LRCH3: variants seen among roughly 807,000 people sequenced by gnomAD.
LRCH3 encodes leucine rich repeats and calponin homology domain containing 3, also known as DISP complex protein LRCH3.
LRCH3 carries 68 observed loss-of-function variants against 104.5 expected under a neutral mutation model. The ratio of observed to expected loss-of-function variants is 0.65; its 90% CI spans 0.54 to 0.80. LRCH3 has a LOEUF of 0.80. Ranked by LOEUF, LRCH3 falls within the 30% of genes least tolerant of loss-of-function variation. The pLI is 0.00. For synonymous variants in LRCH3, 344 were observed against 361.3 expected (o/e 0.95, Z 0.54); for missense variants, 951 against 953.9 (o/e 1.00, Z 0.04).
At chr3:197,819,156 G>C (rs1322697924) in intron 3 of LRCH3, among the ~76,000 whole-genome samples, 18 of 151,432 alleles carry the variant, frequency 1.2e-4, no homozygotes, top group Non-Finnish European at 1.5e-5. Flanking sequence ...AAAAGAATGA[G>C]TGTCCCTAAA....
intron 14 of LRCH3, among the ~76,000 whole-genome samples, chr3:197,857,250 C>T (rs1476732665): frequency 1.3e-5 from 2 of 150,912 alleles, no homozygotes; most frequent in African/African-American, 2.5e-5. Flanking sequence ...ATCAGTTACA[C>T]TGACATTCTC....
chr3:197,847,297 C>T (rs1372977230), intron 10 of LRCH3, 112 bp from the exon 11 acceptor site: 2 of 962,118 alleles, frequency 2.1e-6, no homozygotes, highest in African/African-American at 3.4e-5. Flanking sequence ...AGGCAGTTTG[C>T]TACTGATTAA....
intron 1 of LRCH3, among the ~76,000 whole-genome samples, chr3:197,803,365 A>T (rs1732109395): frequency 6.6e-6 from 1 of 152,130 alleles, no homozygotes; most frequent in South Asian, 2.1e-4. Flanking sequence ...GGCTCTTTTT[A>T]AAAAATACGC....
intron 4 of LRCH3, among the ~76,000 whole-genome samples, chr3:197,823,705 G>T (rs1343224599): frequency 6.6e-6 from 1 of 151,170 alleles, no homozygotes; most frequent in African/African-American, 2.4e-5. Context: ...CCCCTGGCTG[G>T]TCTCCTGGAC....
chr3:197,850,509 A>T (rs936046178), intron 12 of LRCH3: 8 of 1,591,756 alleles, frequency 5.0e-6, no homozygotes, highest in African/African-American at 1.3e-5. Context: ...TTCCATAAGG[A>T]TCATCTCAAT....
chr3:197,792,606 A>ATATATATATATATATAT lies in LRCH3; in HGVS notation c.262+1066_262+1067insTATATATATATATATAT, dbSNP rs1233845852. Among the ~76,000 whole-genome samples the ATATATATATATATATAT allele has an allele frequency of 9.7e-4, 37 of 37,976 alleles. 1 individual carries two copies. The highest frequency in any genetic ancestry group is 1.9e-3 in the Non-Finnish European group (29 of 15,152). 24.9% of individuals were successfully genotyped at this position (37,976 alleles called of 152,430 possible). A position where few individuals can be genotyped will look rare whatever the true frequency, so the allele number is the denominator to read the frequency against. On this transcript the variant is annotated intron_variant, in intron 1 of 20. Transcript: ENST00000425562. ...ATATATATATATATATATATATATA[A>ATATATATATATATATAT]AATATACATATATATATAATATACA...
At chr3:197,843,575 T>G (rs1485520774) in intron 10 of LRCH3, among the ~76,000 whole-genome samples, 1 of 152,164 alleles carries the variant, frequency 6.6e-6, no homozygotes, top group African/African-American at 2.4e-5. Context: ...TCCCAGCTAC[T>G]TGGGAGGCTG....
In LRCH3 at chr3:197,878,697, T is replaced by TGAAA. The variant is rs1231288739; in HGVS notation, c.2208+2927_2208+2930dup. On this transcript the variant is annotated intron_variant, in intron 20 of 20. Coordinates refer to ENST00000425562, the MANE Select transcript of LRCH3 (RefSeq NM_001365715.1). ...AATTAGTCATCTGTCTAGAACAAAG[T>TGAAA]GAAAGAAAATGAATAAACGCACAAA... Among the ~76,000 whole-genome samples the TGAAA allele has an allele frequency of 1.7e-4, 26 of 152,192 alleles. 1 individual carries two copies. The highest frequency in any genetic ancestry group is 1.2e-3 in the South Asian group (6 of 4,822).
At chr3:197,819,054 A>C (rs1010432238) in intron 3 of LRCH3, among the ~76,000 whole-genome samples, 2 of 148,874 alleles carry the variant, frequency 1.3e-5, no homozygotes, top group Non-Finnish European at 3.0e-5. Context: ...TGAACCTGGG[A>C]GGCAGAGGTT....
intron 20 of LRCH3, chr3:197,880,445 C>T: frequency 1.7e-6 from 2 of 1,196,182 alleles, no homozygotes. Flanking sequence ...ATTCTATACT[C>T]AAATCTGCAT....
intron 1 of LRCH3, among the ~76,000 whole-genome samples, chr3:197,809,375 G>A (rs191129003): frequency 1.5e-3 from 234 of 152,100 alleles, no homozygotes; most frequent in African/African-American, 5.4e-3. Context: ...GATGTCTTTG[G>A]GTTTATCCTC....
rs1733536617 is a variant in LRCH3, at chr3:197,814,112, A to G, written c.263-796A>G. Reference sequence around the variant, plus strand: ...ATTAGTTCGTTTTCATGCTGCTGATAAAGACAGACGTGAAACTGGGAACAA... The same window carrying G: ...ATTAGTTCGTTTTCATGCTGCTGATGAAGACAGACGTGAAACTGGGAACAA... On this transcript the variant is annotated intron_variant, in intron 1 of 20. Coordinates refer to ENST00000425562, the MANE Select transcript of LRCH3 (RefSeq NM_001365715.1). Among the ~76,000 whole-genome samples the G allele has an allele frequency of 2.0e-5, 3 of 152,328 alleles. No individual in the cohort carries two copies. In the South Asian group the frequency reaches 6.2e-4, roughly 32 times the overall value.
At chr3:197,817,069 T>C (rs1733883903) in intron 2 of LRCH3, 107 bp from the exon 3 acceptor site, 1 of 1,014,468 alleles carries the variant, frequency 9.9e-7, no homozygotes, top group Admixed American at 2.7e-5. Context: ...TGTTTGTTTC[T>C]TGCAAGACTC....
chr3:197,868,745 A>G (rs1314695999), intron 17 of LRCH3, among the ~76,000 whole-genome samples: 1 of 152,250 alleles, frequency 6.6e-6, no homozygotes, highest in African/African-American at 2.4e-5. Flanking sequence ...AAAAGAATAC[A>G]TACAATACAG....
Position 197,814,909 on chromosome 3 carries a change from C to G in LRCH3, c.264C>G (p.Asp88Glu), listed in dbSNP as rs1333803960. The G allele has an allele frequency of 6.3e-7, 1 of 1,589,042 alleles. No individual in the cohort carries two copies. The highest frequency in any genetic ancestry group is 1.4e-5 in the African/African-American group (1 of 73,670). ...AACCTAATTTAATTTTTCTTTTAGACCTGTCGCGAAATCGCCTTTCAGAAA... is the reference window on the plus strand; with the variant it reads ...AACCTAATTTAATTTTTCTTTTAGAGCTGTCGCGAAATCGCCTTTCAGAAA... ...NHDLTDTTRADLSRNRLSEIP... is the reference protein window; with the variant it reads ...NHDLTDTTRAELSRNRLSEIP... The change falls in exon 2 of 21, where the codon GAC (aspartate) becomes GAG (glutamate). Residue 88 changes from aspartate to glutamate, a missense_variant and splice_region_variant. Coordinates refer to ENST00000425562, the MANE Select transcript of LRCH3 (RefSeq NM_001365715.1).
In LRCH3 at chr3:197,875,721, C is replaced by G; in HGVS notation, c.2154C>G (p.Cys718Trp). ...PAVPKLTMAK[C>W]RRNVENFLEA... Reference sequence around the variant, plus strand: ...AGCCTAAATTAACAATGGCGAAATGCAGGCGAAATGTGGAAAATTTCCTAG... The same window carrying G: ...AGCCTAAATTAACAATGGCGAAATGGAGGCGAAATGTGGAAAATTTCCTAG... The change falls in exon 20 of 21, where the codon TGC becomes TGG. Residue 718 changes from cysteine (C) to tryptophan (W), a missense_variant. Cys to Trp is a radical substitution (Grantham distance 215). Transcript: ENST00000425562. 2 of 1,534,534 alleles carry G rather than the reference C, an allele frequency of 1.3e-6. No individual in the cohort carries two copies. The highest frequency in any genetic ancestry group is 8.7e-7 in the Non-Finnish European group (1 of 1,146,454).
intron 4 of LRCH3, among the ~76,000 whole-genome samples, chr3:197,822,606 T>C (rs1019500048): frequency 2.0e-5 from 3 of 152,212 alleles, no homozygotes; most frequent in Non-Finnish European, 2.9e-5. Flanking sequence ...GCACATATAG[T>C]TGAACTGAGT....
rs73892125 is a variant in LRCH3, at chr3:197,856,837, T to G, written c.1645-1997T>G. Among the ~76,000 whole-genome samples the G allele has an allele frequency of 1.3e-3, 191 of 152,352 alleles. No individual in the cohort carries two copies. The highest frequency in any genetic ancestry group is 4.5e-3 in the African/African-American group (188 of 41,582). On this transcript the variant is annotated intron_variant, in intron 14 of 20. Transcript: ENST00000425562. This position sits in a 1 kb window ranked among gnomAD's most constrained non-coding sequence, Gnocchi z 4.2. ...TATTAGGTGCTCAGTAAATATTTCCTGAATGAACATATAAATTCTGTGCAT... is the reference window on the plus strand; with the variant it reads ...TATTAGGTGCTCAGTAAATATTTCCGGAATGAACATATAAATTCTGTGCAT...
At chr3:197,881,929 G>C in intron 20 of LRCH3, 2 of 985,428 alleles carry the variant, frequency 2.0e-6, no homozygotes, top group Non-Finnish European at 2.4e-6. Flanking sequence ...TCAAAAGACT[G>C]TTCACTATTA....
Sources: allele counts gnomAD v4.1 joint callset (sites outside exome capture counted in the v4.1 genomes callset), GRCh38; gene constraint gnomAD v4.1.1; non-coding constraint Gnocchi (gnomAD v3.1); transcripts MANE v1.5; gene names NCBI Gene and HGNC (gene_info 2026-07-23, HGNC 2026-07-21).